TTLL7: variants seen among roughly 807,000 people sequenced by gnomAD.
TTLL7 encodes the protein tubulin polyglutamylase TTLL7.
TTLL7 carries 53 observed loss-of-function variants against 120.2 expected under a neutral mutation model. The ratio of observed to expected loss-of-function variants is 0.44; its 90% CI spans 0.35 to 0.55. The LOEUF is 0.55. Among genes scored for constraint, TTLL7 ranks in the 20% least tolerant of loss-of-function variants. The pLI is 0.00. For missense variants in TTLL7, 803 were observed against 1,054.7 expected (o/e 0.76, Z 3.31); for synonymous variants, 353 against 351.7 (o/e 1.00, Z -0.04).
chr1:83,995,364 G>A (rs1434233383), intron 1 of TTLL7, among the ~76,000 whole-genome samples: 2 of 151,722 alleles, frequency 1.3e-5, no homozygotes, highest in Admixed American at 1.3e-4. Context: ...TATCCATCAT[G>A]AATGGCTTAA....
At chr1:83,878,108 T>C (rs905590980) in intron 20 of TTLL7, among the ~76,000 whole-genome samples, 4 of 151,970 alleles carry the variant, frequency 2.6e-5, no homozygotes, top group South Asian at 4.1e-4. Flanking sequence ...TTTTTGACTA[T>C]ATTTTTCTAT....
chr1:83,923,450 T>A (rs1001986866), intron 10 of TTLL7, among the ~76,000 whole-genome samples: 3 of 151,794 alleles, frequency 2.0e-5, no homozygotes, highest in Admixed American at 1.3e-4. Flanking sequence ...TGATGAGTAT[T>A]CTATGAAAAA....
intron 1 of TTLL7, among the ~76,000 whole-genome samples, chr1:83,961,659 G>A (rs929374708): frequency 6.6e-6 from 1 of 152,094 alleles, no homozygotes; most frequent in African/African-American, 2.4e-5. Context: ...TTACTAAGGT[G>A]ACAGAAGACA....
At chr1:83,889,928 A>G (rs1226261906) in intron 19 of TTLL7, 2 of 458,716 alleles carry the variant, frequency 4.4e-6, no homozygotes, top group Non-Finnish European at 8.8e-6. Flanking sequence ...GAATAAAAGG[A>G]CATGGAATGT....
chr1:83,949,162 T>A (rs977185216), intron 4 of TTLL7, among the ~76,000 whole-genome samples: 1 of 152,218 alleles, frequency 6.6e-6, no homozygotes, highest in Non-Finnish European at 1.5e-5. Flanking sequence ...TATTTTCTTC[T>A]GAATATAAGT....
chr1:83,989,124 T>C (rs1049288982), intron 1 of TTLL7, among the ~76,000 whole-genome samples: 4 of 152,214 alleles, frequency 2.6e-5, no homozygotes, highest in Non-Finnish European at 2.9e-5. Context: ...TCCCATTCTG[T>C]AGGTTGTCTG....
At chr1:83,991,769 G>A (rs749328188) in intron 1 of TTLL7, among the ~76,000 whole-genome samples, 1 of 152,006 alleles carries the variant, frequency 6.6e-6, no homozygotes, top group Non-Finnish European at 1.5e-5. Flanking sequence ...TCACACTCTT[G>A]AACTATATTA....
intron 9 of TTLL7, among the ~76,000 whole-genome samples, chr1:83,931,076 G>A (rs1411707287): frequency 6.7e-6 from 1 of 149,464 alleles, no homozygotes; most frequent in Non-Finnish European, 1.5e-5. Flanking sequence ...GCTGACAGAA[G>A]AAACTAAAAA....
intron 18 of TTLL7, among the ~76,000 whole-genome samples, chr1:83,897,310 C>G (rs1465200732): frequency 6.6e-6 from 1 of 151,902 alleles, no homozygotes; most frequent in Non-Finnish European, 1.5e-5. Flanking sequence ...TTGAATAGTG[C>G]CTGGGGCATG....
intron 1 of TTLL7, among the ~76,000 whole-genome samples, chr1:83,971,952 A>T (rs1161451193): frequency 1.3e-5 from 2 of 152,058 alleles, no homozygotes; most frequent in African/African-American, 4.8e-5. Context: ...TTAAATACTT[A>T]ATTTTTAAGA....
intron 14 of TTLL7, chr1:83,912,613 G>A (rs1431388410): frequency 6.6e-6 from 1 of 152,052 alleles, no homozygotes; most frequent in African/African-American, 2.4e-5. Context: ...TAACAGTGTA[G>A]AATAAAAATA....
At chr1:83,952,824 A>G (rs1649179871) in intron 1 of TTLL7, among the ~76,000 whole-genome samples, 1 of 152,212 alleles carries the variant, frequency 6.6e-6, no homozygotes, top group African/African-American at 2.4e-5. Context: ...AAAGAAAATT[A>G]CAACACAGAG....
intron 14 of TTLL7, among the ~76,000 whole-genome samples, chr1:83,914,146 C>T (rs1657902920): frequency 6.6e-6 from 1 of 152,056 alleles, no homozygotes; most frequent in East Asian, 1.9e-4. Flanking sequence ...AGATCTCCAC[C>T]AGATAAGTAT....
intron 1 of TTLL7, among the ~76,000 whole-genome samples, chr1:83,957,765 C>T (rs554277032): frequency 1.3e-5 from 2 of 152,296 alleles, no homozygotes; most frequent in East Asian, 1.9e-4. Context: ...TTTTGTTCGA[C>T]TGAATCTACG....
chr1:83,970,422 T>C (rs1650865609), intron 1 of TTLL7, among the ~76,000 whole-genome samples: 1 of 152,096 alleles, frequency 6.6e-6, no homozygotes, highest in Admixed American at 6.6e-5. Flanking sequence ...CAGTACACAC[T>C]GAATTCATTT....
Position 83,911,351 on chromosome 1 carries a change from TAG to T in TTLL7, c.1598_1599del (p.Ser533TyrfsTer3). ...TKTRGPKPLCSMPESTEIMKR... is the reference protein window; with the variant it reads ...TKTRGPKPLCXMPESTEIMKR... ...TTCATTATCTCAGTACTCTCAGGCA[TAG>T]AACACAGAGGCTAAAAAAGATGGAA... On this transcript the variant is annotated frameshift_variant, in exon 15 of 21. Transcript: ENST00000260505. LOFTEE classifies it high-confidence loss of function. 6.2e-7 allele frequency: 1 copy of T among 1,612,040 alleles called. No homozygotes were observed. Among genetic ancestry groups the T allele is most frequent in the Non-Finnish European group, 8.5e-7 (1 of 1,179,048 alleles).
Position 83,907,307 on chromosome 1 carries a change from C to T in TTLL7, c.1992+149G>A, listed in dbSNP as rs193156855. On this transcript the variant is annotated intron_variant, in intron 16 of 20. Transcript: ENST00000260505. Reference sequence around the variant, plus strand: ...TTTAAGAGTCATACTAAATTGTAGGCTAAGGTAGGTGAATAATCCAAATTT... The same window carrying T: ...TTTAAGAGTCATACTAAATTGTAGGTTAAGGTAGGTGAATAATCCAAATTT... 6 of 574,988 alleles carry T rather than the reference C, an allele frequency of 1.0e-5. No homozygotes were observed. In the East Asian group the frequency reaches 1.8e-4, roughly 17 times the overall value. The allele number at this position is 574,988 out of a possible 1,614,324, so 35.6% of individuals were successfully genotyped here. A position where few individuals can be genotyped will look rare whatever the true frequency, so the allele number is the denominator to read the frequency against.
rs1233715784 is a variant in TTLL7 at position 83,866,015 on chromosome 1, G to GA, written c.*3946dup. 2 of 151,662 alleles carry GA rather than the reference G, an allele frequency of 1.3e-5. No individual in the cohort carries two copies. The highest frequency in any genetic ancestry group is 3.0e-5 in the Non-Finnish European group (2 of 67,744). 9.4% of individuals were successfully genotyped at this position (151,662 alleles called of 1,614,324 possible). Reference sequence around the variant, plus strand: ...CTTGAAAACTTAAATTTCTTAAAGAGAAAAGCAAATTTTCAAAAAATCATC... The same window carrying GA: ...CTTGAAAACTTAAATTTCTTAAAGAGAAAAAGCAAATTTTCAAAAAATCATC... On this transcript the variant is annotated 3_prime_UTR_variant, in exon 21 of 21. Coordinates refer to ENST00000260505, the MANE Select transcript of TTLL7 (RefSeq NM_024686.6).
rs1202607248 is a variant in TTLL7 at position 83,929,119 on chromosome 1, T to G, written c.1142+17A>C. On this transcript the variant is annotated intron_variant, in intron 10 of 20. Transcript: ENST00000260505. Reference sequence around the variant, plus strand: ...AATGTGGAGATAAATGTCCAAAAGATAGAGAGAGTATTTTACCTTATGTTT... The same window carrying G: ...AATGTGGAGATAAATGTCCAAAAGAGAGAGAGAGTATTTTACCTTATGTTT... 6.4e-7 allele frequency: 1 copy of G among 1,555,452 alleles called. No homozygotes were observed. The highest frequency in any genetic ancestry group is 2.3e-5 in the East Asian group (1 of 43,544).
Sources: allele counts gnomAD v4.1 joint callset (sites outside exome capture counted in the v4.1 genomes callset), GRCh38; gene constraint gnomAD v4.1.1; transcripts MANE v1.5; gene names NCBI Gene and HGNC (gene_info 2026-07-23, HGNC 2026-07-21).